HEATR4: variants seen among roughly 807,000 people sequenced by gnomAD.
The protein encoded by HEATR4 is HEAT repeat-containing protein 4.
In HEATR4, 95 loss-of-function variants were observed where a neutral mutation model predicts 108.8. The ratio of observed to expected loss-of-function variants is 0.87; its 90% CI spans 0.74 to 1.04. HEATR4 has a LOEUF of 1.04. Among genes scored for constraint, HEATR4 ranks in the 50% least tolerant of loss-of-function variants. The pLI, the probability that HEATR4 is intolerant of heterozygous loss-of-function variation, is 0.00. For synonymous variants in HEATR4, 443 were observed against 459.4 expected (o/e 0.96, Z 0.46); for missense variants, 1,152 against 1,253.8 (o/e 0.92, Z 1.23).
At chr14:73,618,208 A>G in the HEATR4 span, among the ~76,000 whole-genome samples, 14 of 151,986 alleles carry the variant, frequency 9.2e-5, no homozygotes, top group Admixed American at 2.6e-4. Flanking sequence ...AATTATATAT[A>G]CTCTTTGTTA....
chr14:73,498,967 C>T (rs1266929157), intron 13 of HEATR4, 104 bp downstream of exon 13: 4 of 923,100 alleles, frequency 4.3e-6, no homozygotes, highest in East Asian at 4.8e-5. Context: ...AGATCATTAC[C>T]TCTCCTGCAC....
chr14:73,559,401 T>C (rs553472223), upstream of HEATR4, among the ~76,000 whole-genome samples: 202 of 151,922 alleles, frequency 1.3e-3, 1 homozygote, highest in African/African-American at 4.5e-3. Context: ...TTTGCAACTG[T>C]GAGCCACCAC....
At chr14:73,625,052 T>TTTTATTTA in the HEATR4 span, among the ~76,000 whole-genome samples, 6 of 151,920 alleles carry the variant, frequency 3.9e-5, no homozygotes, top group African/African-American at 9.7e-5. Context: ...CTTTTCATTA[T>TTTTATTTA]TTTATTTATT....
At chr14:73,605,311 A>T in the HEATR4 span, among the ~76,000 whole-genome samples, 1 of 152,082 alleles carries the variant, frequency 6.6e-6, no homozygotes, top group African/African-American at 2.4e-5. Flanking sequence ...TGACTGAGAC[A>T]GTGAAAGAGA....
chr14:73,570,644 C>G, the HEATR4 span, among the ~76,000 whole-genome samples: 1 of 151,998 alleles, frequency 6.6e-6, no homozygotes, highest in Non-Finnish European at 1.5e-5. Context: ...GTGGCTAACG[C>G]CTGTAATCCT....
rs142027742 is a variant in HEATR4 at position 73,526,443 on chromosome 14, C to T, written c.-72-3219G>A. Among the ~76,000 whole-genome samples the T allele has an allele frequency of 2.0e-3, 311 of 152,290 alleles. 1 individual carries two copies. Among genetic ancestry groups the T allele is most frequent in the Admixed American group, 5.6e-3 (86 of 15,292 alleles). On this transcript the variant is annotated intron_variant, in intron 2 of 17. Coordinates refer to ENST00000553558, the MANE Select transcript of HEATR4 (RefSeq NM_001220484.1). ...AGTGGACTTTGGGTGTGTGTGACCG[C>T]GTGTGACACCAACTGTGGTGAACAA...
At chr14:73,627,182 G>A in the HEATR4 span, among the ~76,000 whole-genome samples, 2 of 151,666 alleles carry the variant, frequency 1.3e-5, no homozygotes, top group Non-Finnish European at 2.9e-5. Context: ...TTCATAGTTA[G>A]TAAGGAGAAG....
At chr14:73,499,541 T>C (rs1166300967) in intron 12 of HEATR4, among the ~76,000 whole-genome samples, 1 of 152,036 alleles carries the variant, frequency 6.6e-6, no homozygotes, top group Non-Finnish European at 1.5e-5. Context: ...ACCACTTATC[T>C]CTAAAAGGAG....
intron 2 of HEATR4, among the ~76,000 whole-genome samples, chr14:73,528,392 C>CAAAAAAAAAAAAA (rs371875141): frequency 1.1e-5 from 1 of 88,516 alleles, no homozygotes; most frequent in Non-Finnish European, 2.0e-5. Context: ...AACTTCATCT[C>CAAAAAAAAAAAAA]AAAAAAAAAA....
At chr14:73,569,827 T>G in the HEATR4 span, 1 of 1,598,324 alleles carries the variant, frequency 6.3e-7, no homozygotes, top group Non-Finnish European at 8.5e-7. Context: ...CCGCCCGGGG[T>G]GCGGCGCGAG....
In HEATR4 at chr14:73,553,246, C is replaced by T. The variant is rs560260250; in HGVS notation, c.-152+5505G>A. Among the ~76,000 whole-genome samples the T allele has an allele frequency of 3.5e-5, 4 of 115,050 alleles. 1 individual carries two copies. In the South Asian group the frequency reaches 1.1e-3, roughly 32 times the overall value. 75.5% of individuals were successfully genotyped at this position (115,050 alleles called of 152,430 possible). ...TTGAGGCTGGGCATGGTGGCTCACA[C>T]CTGTAATCCCAGCACTTTGGGAGGC... On this transcript the variant is annotated intron_variant, in intron 1 of 17. Coordinates refer to ENST00000553558, the MANE Select transcript of HEATR4 (RefSeq NM_001220484.1).
Position 73,541,134 on chromosome 14 carries a change from C to T in HEATR4, c.-151-10890G>A, listed in dbSNP as rs1325202311. On this transcript the variant is annotated intron_variant, in intron 1 of 17. Coordinates refer to ENST00000553558, the MANE Select transcript of HEATR4 (RefSeq NM_001220484.1). ...AAGTGGAGTCATTCAGAATGAGTAGCCTTTTGAGTCTGTCTCCATTGAATA... is the reference window on the plus strand; with the variant it reads ...AAGTGGAGTCATTCAGAATGAGTAGTCTTTTGAGTCTGTCTCCATTGAATA... Among the ~76,000 whole-genome samples the T allele has an allele frequency of 1.8e-5, 2 of 112,376 alleles. 1 individual carries two copies. Among genetic ancestry groups the T allele is most frequent in the Non-Finnish European group, 3.8e-5 (2 of 52,140 alleles). 73.7% of individuals were successfully genotyped at this position (112,376 alleles called of 152,430 possible).
chr14:73,560,250 G>A (rs1241172630), upstream of HEATR4, among the ~76,000 whole-genome samples: 1 of 152,014 alleles, frequency 6.6e-6, no homozygotes, highest in African/African-American at 2.4e-5. Flanking sequence ...TCCATCTCTT[G>A]GTTCCAAGCA....
intron 17 of HEATR4, chr14:73,491,556 C>A (rs755831156): frequency 2.0e-6 from 3 of 1,538,356 alleles, no homozygotes; most frequent in East Asian, 2.4e-5. Flanking sequence ...GGGGAGCCGG[C>A]CTGGGACTCC....
the HEATR4 span, among the ~76,000 whole-genome samples, chr14:73,598,217 C>CAAAA: frequency 5.6e-3 from 310 of 54,898 alleles, 12 homozygotes; most frequent in African/African-American, 0.021. Context: ...ACTAAAAATA[C>CAAAA]AAAAAAAAAA....
intron 3 of HEATR4, among the ~76,000 whole-genome samples, 159 bp from the exon 4 acceptor site, chr14:73,521,198 T>C (rs2140296299): frequency 6.6e-6 from 1 of 152,240 alleles, no homozygotes; most frequent in South Asian, 2.1e-4. Flanking sequence ...CTTGTCCCCA[T>C]GGTGCCAGTT....
At chr14:73,578,163 A>C in the HEATR4 span, among the ~76,000 whole-genome samples, 1 of 151,908 alleles carries the variant, frequency 6.6e-6, no homozygotes, top group African/African-American at 2.4e-5. Flanking sequence ...AAAATGTTTT[A>C]ATAACATGAA....
At chr14:73,600,801 TG>T in the HEATR4 span, among the ~76,000 whole-genome samples, 33 of 152,196 alleles carry the variant, frequency 2.2e-4, no homozygotes, top group Admixed American at 1.5e-3. Flanking sequence ...AAAATCTCAG[TG>T]GGTTTCACTC....
At chr14:73,575,359 G>C in the HEATR4 span, 1 of 1,062,818 alleles carries the variant, frequency 9.4e-7, no homozygotes, top group Non-Finnish European at 1.3e-6. Flanking sequence ...CCCCTGTGTC[G>C]GGCTTCCCTG....
Sources: allele counts gnomAD v4.1 joint callset (sites outside exome capture counted in the v4.1 genomes callset), GRCh38; gene constraint gnomAD v4.1.1; transcripts MANE v1.5; gene names NCBI Gene and HGNC (gene_info 2026-07-23, HGNC 2026-07-21).